KCNQ1OT1: variants seen among roughly 807,000 people sequenced by gnomAD.
The protein encoded by KCNQ1OT1 is KCNQ1 antisense RNA 2 (non-protein coding).
Position 2,691,444 on chromosome 11 carries a change from T to C in KCNQ1OT1, n.8551A>G, listed in dbSNP as rs535457545. 11 of 398,562 alleles carry C rather than the reference T, an allele frequency of 2.8e-5. No individual in the cohort carries two copies. Among genetic ancestry groups the C allele is most frequent in the Admixed American group, 4.4e-5 (1 of 22,738 alleles). The allele number at this position is 398,562 out of a possible 1,614,324, so 24.7% of individuals were successfully genotyped here. ...GTCCACTGAAGCTCCCTGCCCCCAC[T>C]GAGTCTCTGATGTTGACAGCCTCTT... On this transcript the variant is annotated non_coding_transcript_exon_variant, in exon 1 of 1. Transcript: ENST00000597346. The surrounding 1 kb of genome is among the most constrained non-coding windows in gnomAD (Gnocchi z 6.4).
chr11:2,696,531 A>G (rs1176498541), exon 1 of KCNQ1OT1: 2 of 398,538 alleles, frequency 5.0e-6, no homozygotes, highest in East Asian at 3.6e-5. Flanking sequence ...TCAAAAGTTC[A>G]GTTGGCATTT....
rs186639956 is a variant in KCNQ1OT1, at chr11:2,663,980, G to A, written n.36015C>T. The A allele has an allele frequency of 1.5e-3, 579 of 398,680 alleles. 3 individuals are homozygous for A. Among genetic ancestry groups the A allele is most frequent in the African/African-American group, 0.01 (502 of 48,746 alleles). 24.7% of individuals were successfully genotyped at this position (398,680 alleles called of 1,614,324 possible). A position where few individuals can be genotyped will look rare whatever the true frequency, so the allele number is the denominator to read the frequency against. ...GAGAGACCTGAACATCCATCCCCAA[G>A]CTCTCTGCCCACTTTGGGTCTGGCA... is the stretch of plus-strand genomic sequence containing the variant. On this transcript the variant is annotated non_coding_transcript_exon_variant, in exon 1 of 1. Coordinates refer to ENST00000597346, the Ensembl canonical transcript of KCNQ1OT1. The surrounding 1 kb of genome is among the most constrained non-coding windows in gnomAD (Gnocchi z 5.2).
At position 2,617,896 on chromosome 11, in the gene KCNQ1OT1, A is replaced by T; in HGVS notation, n.82099T>A. ...TAATTGGGTTATCTATTTTCTTGTTATTGAGTTGTATGCATTCCTTATAAA... is the reference window on the plus strand; with the variant it reads ...TAATTGGGTTATCTATTTTCTTGTTTTTGAGTTGTATGCATTCCTTATAAA... On this transcript the variant is annotated non_coding_transcript_exon_variant, in exon 1 of 1. Transcript: ENST00000597346. This position sits in a 1 kb window ranked among gnomAD's most constrained non-coding sequence, Gnocchi z 4.6. 1 of 398,382 alleles carries T rather than the reference A, an allele frequency of 2.5e-6. No homozygotes were observed. The highest frequency in any genetic ancestry group is 4.4e-6 in the Non-Finnish European group (1 of 225,982). 24.7% of individuals were successfully genotyped at this position (398,382 alleles called of 1,614,324 possible). A position where few individuals can be genotyped will look rare whatever the true frequency, so the allele number is the denominator to read the frequency against.
chr11:2,676,225 G>A lies in KCNQ1OT1; in HGVS notation n.23770C>T. On this transcript the variant is annotated non_coding_transcript_exon_variant, in exon 1 of 1. Coordinates refer to ENST00000597346, the Ensembl canonical transcript of KCNQ1OT1. This position sits in a 1 kb window ranked among gnomAD's most constrained non-coding sequence, Gnocchi z 4.2. ...CTTTTTGAGCTGTACATACAATGCT[G>A]ATTTATTATGGTGCAGTACATCTGA... 5.0e-6 allele frequency: 2 copies of A among 398,616 alleles called. No individual in the cohort carries two copies. Among genetic ancestry groups the A allele is most frequent in the Non-Finnish European group, 8.8e-6 (2 of 226,062 alleles). The allele number at this position is 398,616 out of a possible 1,614,324, so 24.7% of individuals were successfully genotyped here.
At chr11:2,631,472 T>A in exon 1 of KCNQ1OT1, 1 of 396,900 alleles carries the variant, frequency 2.5e-6, no homozygotes, top group East Asian at 3.6e-5. Context: ...TCTCCTTTTG[T>A]GTATTAATGA....
At position 2,679,401 on chromosome 11, in the gene KCNQ1OT1, G is replaced by A. The variant is rs191695559; in HGVS notation, n.20594C>T. On this transcript the variant is annotated non_coding_transcript_exon_variant, in exon 1 of 1. Transcript: ENST00000597346. This position sits in a 1 kb window ranked among gnomAD's most constrained non-coding sequence, Gnocchi z 4.8. ...TCTCAGTTTCTTTATTTGTAAAATG[G>A]GAATCATAAGAGTACCTTCCTCAGA... 59 of 398,604 alleles carry A rather than the reference G, an allele frequency of 1.5e-4. No homozygotes were observed. The highest frequency in any genetic ancestry group is 1.0e-3 in the African/African-American group (50 of 48,748). 24.7% of individuals were successfully genotyped at this position (398,604 alleles called of 1,614,324 possible). A position where few individuals can be genotyped will look rare whatever the true frequency, so the allele number is the denominator to read the frequency against.
exon 1 of KCNQ1OT1, chr11:2,680,060 A>AT (rs563953512): frequency 0.044 from 13,265 of 304,028 alleles, 58 homozygotes; most frequent in Non-Finnish European, 0.05. Context: ...TGACTGGCTA[A>AT]TTTTTTTTTT....
chr11:2,694,031 G>A, exon 1 of KCNQ1OT1: 1 of 398,706 alleles, frequency 2.5e-6, no homozygotes, highest in Non-Finnish European at 4.4e-6. Flanking sequence ...AGCCACAGGT[G>A]CCCATGCCAT....
chr11:2,662,499 AG>A (rs1849980049), exon 1 of KCNQ1OT1: 1 of 445,456 alleles, frequency 2.2e-6, no homozygotes, highest in Non-Finnish European at 3.9e-6. Flanking sequence ...TGCTGTCCTC[AG>A]GGGCTCCTTC....
exon 1 of KCNQ1OT1, chr11:2,696,347 C>T: frequency 5.0e-6 from 2 of 398,634 alleles, no homozygotes; most frequent in Non-Finnish European, 8.8e-6. Context: ...TTTCCAACAT[C>T]ATCTTCTGAA....
At position 2,676,009 on chromosome 11, in the gene KCNQ1OT1, T is replaced by A; in HGVS notation, n.23986A>T. ...CCCACCCAACCCTAATTCCCAAGTT[T>A]CCTTCCCTAAAGGTTACCACTCAAC... On this transcript the variant is annotated non_coding_transcript_exon_variant, in exon 1 of 1. Coordinates refer to ENST00000597346, the Ensembl canonical transcript of KCNQ1OT1. This position sits in a 1 kb window ranked among gnomAD's most constrained non-coding sequence, Gnocchi z 4.2. The A allele has an allele frequency of 2.5e-6, 1 of 398,672 alleles. No individual in the cohort carries two copies. Among genetic ancestry groups the A allele is most frequent in the Admixed American group, 4.4e-5 (1 of 22,738 alleles). The allele number at this position is 398,672 out of a possible 1,614,324, so 24.7% of individuals were successfully genotyped here.
rs1439352212 is a variant in KCNQ1OT1, at chr11:2,653,343, G to A, written n.46652C>T. ...ACTGCCCCCAGGCCCATGTCCGTAG[G>A]CTCACACCTCACCCCCAACTTTGTC... is the stretch of plus-strand genomic sequence containing the variant. On this transcript the variant is annotated non_coding_transcript_exon_variant, in exon 1 of 1. Coordinates refer to ENST00000597346, the Ensembl canonical transcript of KCNQ1OT1. The surrounding 1 kb of genome is among the most constrained non-coding windows in gnomAD (Gnocchi z 5.3). 2 of 398,576 alleles carry A rather than the reference G, an allele frequency of 5.0e-6. No homozygotes were observed. Among genetic ancestry groups the A allele is most frequent in the Non-Finnish European group, 8.8e-6 (2 of 226,140 alleles). 24.7% of individuals were successfully genotyped at this position (398,576 alleles called of 1,614,324 possible).
rs1480168375 is a variant in KCNQ1OT1, at chr11:2,684,783, TC to T, written n.15211del. The T allele has an allele frequency of 1.0e-5, 4 of 398,486 alleles. No homozygotes were observed. In the East Asian group the frequency reaches 1.4e-4, roughly 14 times the overall value. 24.7% of individuals were successfully genotyped at this position (398,486 alleles called of 1,614,324 possible). A position where few individuals can be genotyped will look rare whatever the true frequency, so the allele number is the denominator to read the frequency against. On this transcript the variant is annotated non_coding_transcript_exon_variant, in exon 1 of 1. Coordinates refer to ENST00000597346, the Ensembl canonical transcript of KCNQ1OT1. ...GGGAGGACTGCCTCCCAGCCTTCCC[TC>T]CCCACTGGTCTGGGCACATTCCAAG... is the stretch of plus-strand genomic sequence containing the variant.
Position 2,642,025 on chromosome 11 carries a change from A to G in KCNQ1OT1, n.57970T>C, listed in dbSNP as rs912911213. ...CCAATACCATGCTGCTTTTAATGCT[A>G]TAGCCTTATATTTTTAAATCAGGCA... is the stretch of plus-strand genomic sequence containing the variant. On this transcript the variant is annotated non_coding_transcript_exon_variant, in exon 1 of 1. Transcript: ENST00000597346. The surrounding 1 kb of genome is among the most constrained non-coding windows in gnomAD (Gnocchi z 4.3). 1.3e-5 allele frequency: 5 copies of G among 398,336 alleles called. No individual in the cohort carries two copies. Among genetic ancestry groups the G allele is most frequent in the East Asian group, 1.1e-4 (3 of 28,036 alleles). The allele number at this position is 398,336 out of a possible 1,614,324, so 24.7% of individuals were successfully genotyped here.
At chr11:2,693,322 T>TAAGC in exon 1 of KCNQ1OT1, 2 of 398,650 alleles carry the variant, frequency 5.0e-6, no homozygotes, top group Non-Finnish European at 8.8e-6. Flanking sequence ...CTGGGCCCTC[T>TAAGC]CTCCCTGCCC....
At chr11:2,625,832 G>A (rs1404467590) in exon 1 of KCNQ1OT1, 1 of 398,590 alleles carries the variant, frequency 2.5e-6, no homozygotes. Flanking sequence ...GCCTCCCAAA[G>A]TACTGGGATT....
chr11:2,693,355 G>A (rs896878929), exon 1 of KCNQ1OT1: 1 of 398,710 alleles, frequency 2.5e-6, no homozygotes, highest in Non-Finnish European at 4.4e-6. Flanking sequence ...GACCCTGGGT[G>A]GGGGCCGAGT....
exon 1 of KCNQ1OT1, chr11:2,688,163 C>T (rs1850523963): frequency 7.5e-6 from 3 of 398,712 alleles, no homozygotes; most frequent in Non-Finnish European, 1.3e-5. Flanking sequence ...CTCCCTAGGC[C>T]TCTGCAGACA....
chr11:2,692,465 G>C (rs1220479195), exon 1 of KCNQ1OT1: 1 of 398,600 alleles, frequency 2.5e-6, no homozygotes, highest in African/African-American at 2.1e-5. Context: ...TAATCCTGCA[G>C]CTGCCTTTCT....
Sources: allele counts gnomAD v4.1 joint callset, GRCh38; gene constraint gnomAD v4.1.1; non-coding constraint Gnocchi (gnomAD v3.1); transcripts MANE v1.5; gene names NCBI Gene and HGNC (gene_info 2026-07-23, HGNC 2026-07-21).